The following JAKMIP3 variants were observed in gnomAD, a reference collection of about 807,000 sequenced individuals.
JAKMIP3 encodes the protein janus kinase and microtubule-interacting protein 3.
A neutral mutation model predicts 118.5 loss-of-function variants in JAKMIP3; 58 were observed. The observed-to-expected ratio is 0.49, with a 90% CI of 0.40 to 0.61. The LOEUF is 0.61. Ranked by LOEUF, JAKMIP3 falls within the 20% of genes least tolerant of loss-of-function variation. JAKMIP3 has a pLI of 0.00. For synonymous variants in JAKMIP3, 486 were observed against 451.2 expected, an observed-to-expected ratio of 1.08 and a Z score of -0.98; for missense variants, 950 against 1,109.0, an observed-to-expected ratio of 0.86 and a Z score of 2.04.
intron 2 of JAKMIP3, among the ~76,000 whole-genome samples, chr10:132,116,573 A>G (rs1357406615): frequency 1.9e-5 from 1 of 53,226 alleles, no homozygotes; most frequent in Non-Finnish European, 3.5e-5. Flanking sequence ...TGCATCATGG[A>G]CGCTCCCCCC....
intron 2 of JAKMIP3, among the ~76,000 whole-genome samples, chr10:132,115,995 C>T (rs867460560): frequency 2.0e-5 from 3 of 152,230 alleles, no homozygotes; most frequent in Non-Finnish European, 4.4e-5. Flanking sequence ...CAGAGCCTGG[C>T]CCACGGCAGG....
intron 16 of JAKMIP3, among the ~76,000 whole-genome samples, 177 bp from the exon 17 acceptor site, chr10:132,152,781 G>C (rs1394463557): frequency 6.6e-6 from 1 of 152,190 alleles, no homozygotes; most frequent in Non-Finnish European, 1.5e-5. Flanking sequence ...ACAAGCTCAA[G>C]TCAAGGGTGT....
chr10:132,109,458 G>T (rs553412635), intron 2 of JAKMIP3, among the ~76,000 whole-genome samples: 3 of 152,172 alleles, frequency 2.0e-5, no homozygotes, highest in Non-Finnish European at 4.4e-5. Flanking sequence ...CTCTCCGCCC[G>T]GCTGCCTGCC....
intron 23 of JAKMIP3, among the ~76,000 whole-genome samples, chr10:132,171,252 C>CTGCACACTCACG (rs1434896229): frequency 6.6e-6 from 1 of 152,180 alleles, no homozygotes; most frequent in Non-Finnish European, 1.5e-5. Flanking sequence ...GTGCAGTCTC[C>CTGCACACTCACG]AGCGTGAGTT....
Position 132,071,088 on chromosome 10 carries a change from G to A in JAKMIP3, c.-138+5027G>A, listed in dbSNP as rs545642297. ...CTGCAACTTCTGGTATGTTGTTCTT[G>A]TATTTTCATTCAGTTCAAAATATTT... On this transcript the variant is annotated intron_variant, in intron 1 of 23. Transcript: ENST00000684848. Among the ~76,000 whole-genome samples, 5 of 151,546 alleles carry A rather than the reference G, an allele frequency of 3.3e-5. No homozygotes were observed. The South Asian group carries it at 8.3e-4, about 25-fold the overall frequency.
intron 1 of JAKMIP3, among the ~76,000 whole-genome samples, chr10:132,046,485 C>T (rs1162394680): frequency 2.0e-5 from 3 of 151,324 alleles, no homozygotes; most frequent in South Asian, 4.2e-4. Context: ...CCATCCAGGG[C>T]GTCCACTTTG....
chr10:132,122,106 A>C (rs769588202), intron 3 of JAKMIP3, among the ~76,000 whole-genome samples: 1 of 152,252 alleles, frequency 6.6e-6, no homozygotes, highest in Non-Finnish European at 1.5e-5. Flanking sequence ...GATTTCAACA[A>C]GAGGTGGCCC....
intron 1 of JAKMIP3, among the ~76,000 whole-genome samples, chr10:132,052,220 T>C (rs543751100): frequency 1.3e-5 from 2 of 152,306 alleles, no homozygotes; most frequent in South Asian, 4.1e-4. Flanking sequence ...AGTGAGACCC[T>C]GTCTCAACAA....
chr10:132,137,904 C>A (rs1178213130), intron 8 of JAKMIP3, among the ~76,000 whole-genome samples: 1 of 152,164 alleles, frequency 6.6e-6, no homozygotes. Flanking sequence ...AGCTCAGAGC[C>A]CACCTAATTG....
chr10:132,164,472 T>C (rs1291046712), intron 20 of JAKMIP3, among the ~76,000 whole-genome samples, 198 bp from the exon 21 acceptor site: 1 of 152,046 alleles, frequency 6.6e-6, no homozygotes, highest in Admixed American at 6.6e-5. Context: ...CCACGGGGAG[T>C]GTGGCATGGC....
rs1257648924 is a variant in JAKMIP3 at position 132,142,626 on chromosome 10, C to T, written c.1602+578C>T. ...TGGCTGGCGGGTGCCCTCTGCGGGCCGTGGAGGGCAGTGCAGGCACCAGGC... is the reference window on the plus strand; with the variant it reads ...TGGCTGGCGGGTGCCCTCTGCGGGCTGTGGAGGGCAGTGCAGGCACCAGGC... On this transcript the variant is annotated intron_variant, in intron 11 of 23. Transcript: ENST00000684848. 5.9e-5 allele frequency among the ~76,000 whole-genome samples: 9 copies of T among 152,154 alleles called. No homozygotes were observed. The South Asian group carries it at 6.2e-4, about 11-fold the overall frequency.
intron 19 of JAKMIP3, among the ~76,000 whole-genome samples, chr10:132,154,998 T>C (rs796827130): frequency 1.2e-4 from 4 of 32,128 alleles, no homozygotes; most frequent in Non-Finnish European, 1.6e-4. Flanking sequence ...TGATGGTGAT[T>C]ATGATGATGA....
At chr10:132,157,471 A>G (rs2057233867) in intron 19 of JAKMIP3, among the ~76,000 whole-genome samples, 1 of 152,328 alleles carries the variant, frequency 6.6e-6, no homozygotes, top group South Asian at 2.1e-4. Context: ...CGACACACAA[A>G]TGGAGATTAT....
intron 19 of JAKMIP3, among the ~76,000 whole-genome samples, chr10:132,154,502 T>C (rs1433686788): frequency 6.6e-6 from 1 of 152,238 alleles, no homozygotes; most frequent in Non-Finnish European, 1.5e-5. Context: ...TGGGAGCTAC[T>C]TCCCCCGTGA....
At chr10:132,139,049 AGTGTGTGTGT>A (rs4009682) in intron 9 of JAKMIP3, among the ~76,000 whole-genome samples, 2 of 150,080 alleles carry the variant, frequency 1.3e-5, no homozygotes. Context: ...CTTTATGTTG[AGTGTGTGTGT>A]GTGTGTGTGT....
chr10:132,038,900 A>G (rs2037614217), intron 1 of JAKMIP3, among the ~76,000 whole-genome samples: 1 of 151,838 alleles, frequency 6.6e-6, no homozygotes, highest in Non-Finnish European at 1.5e-5. Flanking sequence ...CTGTTAGGGT[A>G]CAAGAGCTGG....
chr10:132,173,633 G>T (rs1211680605), intron 23 of JAKMIP3, among the ~76,000 whole-genome samples: 7 of 152,110 alleles, frequency 4.6e-5, no homozygotes, highest in Admixed American at 1.3e-4. Flanking sequence ...TTCACATATT[G>T]ACTCTTTGAA....
At chr10:132,082,185 A>AT (rs1485112253) in intron 1 of JAKMIP3, among the ~76,000 whole-genome samples, 16 of 141,622 alleles carry the variant, frequency 1.1e-4, no homozygotes, top group East Asian at 6.2e-4. Flanking sequence ...GGGGGGCTGA[A>AT]TTTTTTTTTG....
rs1026560606 is a variant in JAKMIP3 at position 132,113,414 on chromosome 10, G to A, written c.136-3663G>A. Among the ~76,000 whole-genome samples, 13 of 152,296 alleles carry A rather than the reference G, an allele frequency of 8.5e-5. No individual in the cohort carries two copies. In the South Asian group the frequency reaches 1.2e-3, roughly 15 times the overall value. On this transcript the variant is annotated intron_variant, in intron 2 of 23. Coordinates refer to ENST00000684848, the MANE Select transcript of JAKMIP3 (RefSeq NM_001323087.2). ...CAGTGACTCCACTGTTAGAAAAAGCGGAATCCAGCAGATACACAGGGTGTT... is the reference window on the plus strand; with the variant it reads ...CAGTGACTCCACTGTTAGAAAAAGCAGAATCCAGCAGATACACAGGGTGTT...
Sources: allele counts gnomAD v4.1 joint callset (sites outside exome capture counted in the v4.1 genomes callset), GRCh38; gene constraint gnomAD v4.1.1; transcripts MANE v1.5; gene names NCBI Gene and HGNC (gene_info 2026-07-23, HGNC 2026-07-21).